Variants in GALNT17 observed in about 807,000 individuals in gnomAD.
GALNT17 encodes the protein polypeptide N-acetylgalactosaminyltransferase 17.
Under a neutral mutation model 63.7 loss-of-function variants are expected in GALNT17, and 29 were observed. The observed-to-expected ratio is 0.46, with a 90% CI of 0.34 to 0.62. GALNT17 has a LOEUF of 0.62. GALNT17 is among the 20% of genes least tolerant of loss of function. The pLI, the probability that GALNT17 is intolerant of heterozygous loss-of-function variation, is 0.01. For synonymous variants in GALNT17, 305 were observed against 318.3 expected (o/e 0.96, Z 0.45); for missense variants, 603 against 799.6 (o/e 0.75, Z 2.97).
chr7:71,674,493 GA>G (rs140397221), intron 8 of GALNT17, among the ~76,000 whole-genome samples: 2,641 of 151,920 alleles, frequency 0.017, 67 homozygotes, highest in African/African-American at 0.06. Flanking sequence ...CCACAGGTGT[GA>G]GCCACTGCTG....
At chr7:71,663,571 G>A (rs1790939600) in intron 6 of GALNT17, among the ~76,000 whole-genome samples, 1 of 152,154 alleles carries the variant, frequency 6.6e-6, no homozygotes, top group South Asian at 2.1e-4. Context: ...AAAGAAGTCT[G>A]GAACATCTAT....
intron 1 of GALNT17, among the ~76,000 whole-genome samples, chr7:71,249,120 T>A (rs1293958732): frequency 6.6e-6 from 1 of 152,218 alleles, no homozygotes; most frequent in African/African-American, 2.4e-5. Context: ...AGTTCATGTA[T>A]ATGGTGAGCA....
chr7:71,476,414 C>T (rs905753985), intron 5 of GALNT17, among the ~76,000 whole-genome samples: 3 of 150,646 alleles, frequency 2.0e-5, no homozygotes, highest in South Asian at 2.1e-4. Context: ...TCCCGGAGAG[C>T]GTGATGAGGG....
intron 6 of GALNT17, among the ~76,000 whole-genome samples, chr7:71,657,566 G>A (rs1161595563): frequency 6.6e-6 from 1 of 152,180 alleles, no homozygotes; most frequent in East Asian, 1.9e-4. Flanking sequence ...TTTGTTGCCT[G>A]TGGCTCTTCC....
intron 5 of GALNT17, among the ~76,000 whole-genome samples, chr7:71,481,980 A>C (rs190715299): frequency 3.0e-4 from 45 of 152,082 alleles, no homozygotes; most frequent in African/African-American, 1.1e-3. Context: ...AGTTCTAGAG[A>C]CTGCTTAACC....
chr7:71,261,724 C>G (rs1428011205), intron 1 of GALNT17, among the ~76,000 whole-genome samples: 1 of 152,222 alleles, frequency 6.6e-6, no homozygotes, highest in East Asian at 1.9e-4. Context: ...TCGTGACAAC[C>G]GTAAGGAACA....
rs559056002 is a variant in GALNT17 at position 71,514,904 on chromosome 7, A to T, written c.963-56381A>T. 1.6e-4 allele frequency among the ~76,000 whole-genome samples: 25 copies of T among 152,250 alleles called. 1 individual carries two copies. The South Asian group carries it at 5.2e-3, about 32-fold the overall frequency. On this transcript the variant is annotated intron_variant, in intron 5 of 10. Coordinates refer to ENST00000333538, the MANE Select transcript of GALNT17 (RefSeq NM_022479.3). ...CGTGTTGTGGGAGGGACCTGGTGGG[A>T]GATAATTCAATCATGGAGGCAGTTT...
intron 6 of GALNT17, among the ~76,000 whole-genome samples, chr7:71,599,707 C>A (rs987362162): frequency 1.3e-5 from 2 of 151,740 alleles, no homozygotes; most frequent in Non-Finnish European, 2.9e-5. Flanking sequence ...CATCCTACAA[C>A]ACACAGGATA....
chr7:71,250,764 A>G (rs968623678), intron 1 of GALNT17, among the ~76,000 whole-genome samples: 6 of 152,216 alleles, frequency 3.9e-5, no homozygotes, highest in African/African-American at 1.4e-4. Context: ...TGTAACAGAG[A>G]CTGAATCTAG....
intron 1 of GALNT17, among the ~76,000 whole-genome samples, chr7:71,202,532 T>A (rs1789194228): frequency 6.6e-6 from 1 of 152,232 alleles, no homozygotes; most frequent in African/African-American, 2.4e-5. Context: ...AAGTAATGAT[T>A]GTATATCTTT....
intron 1 of GALNT17, among the ~76,000 whole-genome samples, chr7:71,203,726 A>G (rs1300538047): frequency 1.3e-5 from 2 of 152,188 alleles, no homozygotes; most frequent in Non-Finnish European, 2.9e-5. Flanking sequence ...TAATCATGGC[A>G]GAAGGCGAAG....
intron 9 of GALNT17, among the ~76,000 whole-genome samples, chr7:71,682,996 G>T (rs965994294): frequency 3.9e-5 from 6 of 152,076 alleles, no homozygotes; most frequent in African/African-American, 1.2e-4. Flanking sequence ...GCACAGTGTG[G>T]CCCCTTTGTT....
chr7:71,134,539 T>C (rs547906308), intron 1 of GALNT17, among the ~76,000 whole-genome samples: 12 of 152,186 alleles, frequency 7.9e-5, no homozygotes, highest in African/African-American at 2.4e-4. Context: ...TCGAAGCCAT[T>C]TGACAGATAT....
At chr7:71,246,100 A>G (rs1484884653) in intron 1 of GALNT17, among the ~76,000 whole-genome samples, 1 of 148,100 alleles carries the variant, frequency 6.8e-6, no homozygotes, top group African/African-American at 2.5e-5. Context: ...TGATGGCCTC[A>G]TAGCTTTTTT....
chr7:71,699,542 A>G (rs1352828015), intron 9 of GALNT17, among the ~76,000 whole-genome samples: 1 of 151,932 alleles, frequency 6.6e-6, no homozygotes, highest in Non-Finnish European at 1.5e-5. Context: ...AATTAAAAAG[A>G]TGGAAAGGGT....
At chr7:71,588,055 C>T (rs189751078) in intron 6 of GALNT17, among the ~76,000 whole-genome samples, 11 of 152,224 alleles carry the variant, frequency 7.2e-5, no homozygotes, top group South Asian at 4.1e-4. Flanking sequence ...ATTTAGAGAC[C>T]GAAGTCTTGT....
chr7:71,482,490 A>G (rs1415029212), intron 5 of GALNT17, among the ~76,000 whole-genome samples: 1 of 152,184 alleles, frequency 6.6e-6, no homozygotes, highest in Non-Finnish European at 1.5e-5. Context: ...AGGCAATTTC[A>G]TCATTGAGCA....
intron 1 of GALNT17, among the ~76,000 whole-genome samples, chr7:71,152,074 G>A (rs1445949800): frequency 6.6e-6 from 1 of 152,046 alleles, no homozygotes; most frequent in Non-Finnish European, 1.5e-5. Flanking sequence ...AATTTGCCGT[G>A]TCGTTCTAAA....
At chr7:71,191,279 C>A (rs1255877071) in intron 1 of GALNT17, among the ~76,000 whole-genome samples, 1 of 151,928 alleles carries the variant, frequency 6.6e-6, no homozygotes, top group Non-Finnish European at 1.5e-5. Context: ...TTTGCCTGCT[C>A]TAGAACTTTA....
Sources: gnomAD v4.1 joint callset for allele counts (sites outside exome capture counted in the v4.1 genomes callset) on GRCh38, gnomAD v4.1.1 for gene constraint, MANE v1.5 for transcripts, NCBI Gene and HGNC (gene_info 2026-07-23, HGNC 2026-07-21) for gene names.